The following FBN1 variants were observed in gnomAD, a reference collection of about 807,000 sequenced individuals.
The protein encoded by FBN1 is fibrillin 1, also known as fibrillin-1.
A neutral mutation model predicts 365.1 loss-of-function variants in FBN1; 29 were observed. That is an observed-to-expected ratio of 0.08 (90% CI 0.06 to 0.11). FBN1 has a LOEUF of 0.11. FBN1 is among the 10% of genes least tolerant of loss of function. The pLI is 1.00. For synonymous variants in FBN1, 1,210 were observed against 1,270.5 expected (o/e 0.95, Z 1.01); for missense variants, 2,476 against 3,703.2 (o/e 0.67, Z 8.60).
intron 64 of FBN1, among the ~76,000 whole-genome samples, chr15:48,415,059 A>G (rs1021022781): frequency 6.6e-6 from 1 of 152,228 alleles, no homozygotes; most frequent in Middle Eastern, 3.2e-3. Context: ...GAAATGTAAA[A>G]TATAATTTAA....
chr15:48,517,571 C>T (rs1321217816), intron 10 of FBN1, among the ~76,000 whole-genome samples: 1 of 152,270 alleles, frequency 6.6e-6, no homozygotes, highest in Non-Finnish European at 1.5e-5. Flanking sequence ...AATAAATCAT[C>T]TTTAGGTTTC....
At chr15:48,411,999 C>T (rs553599427) in intron 65 of FBN1, among the ~76,000 whole-genome samples, 1 of 152,350 alleles carries the variant, frequency 6.6e-6, no homozygotes, top group African/African-American at 2.4e-5. Context: ...TGGCTTCTTA[C>T]TTGCCTCTCT....
At chr15:48,432,725 TGGCAGTGAC>T in intron 55 of FBN1, 132 bp downstream of exon 55, 1 of 1,052,182 alleles carries the variant, frequency 9.5e-7, no homozygotes, top group African/African-American at 1.6e-5. Context: ...GGGGGAAACG[TGGCAGTGAC>T]AACCCCCGTA....
At chr15:48,435,768 G>GTA (rs371770634) in intron 53 of FBN1, among the ~76,000 whole-genome samples, 2 of 111,360 alleles carry the variant, frequency 1.8e-5, no homozygotes, top group African/African-American at 8.2e-5. Context: ...ATATATATGT[G>GTA]TATATGTGTG....
intron 6 of FBN1, among the ~76,000 whole-genome samples, chr15:48,545,413 G>T (rs1002056518): frequency 1.3e-5 from 2 of 152,142 alleles, no homozygotes; most frequent in Non-Finnish European, 2.9e-5. Flanking sequence ...ACTGAATATT[G>T]TGTACGTGGA....
intron 1 of FBN1, 75 bp from the exon 2 acceptor site, chr15:48,645,025 T>G: frequency 9.8e-6 from 3 of 305,550 alleles, no homozygotes; most frequent in African/African-American, 2.2e-5. Context: ...GCGGTCCCCA[T>G]TCCCAAGCCC....
At chr15:48,529,034 C>T (rs2043943014) in intron 8 of FBN1, 1 of 152,202 alleles carries the variant, frequency 6.6e-6, no homozygotes, top group Admixed American at 6.5e-5. Context: ...GTGTTCATCT[C>T]CTTTTAATTG....
chr15:48,504,931 A>G, intron 16 of FBN1, 94 bp downstream of exon 16: 3 of 1,513,868 alleles, frequency 2.0e-6, no homozygotes, highest in Non-Finnish European at 2.8e-6. Context: ...TTTATATCTT[A>G]TCTGCTACAG....
chr15:48,617,273 C>A (rs532683428), intron 2 of FBN1, among the ~76,000 whole-genome samples: 1 of 151,970 alleles, frequency 6.6e-6, no homozygotes, highest in South Asian at 2.1e-4. Context: ...CTCCCGGGTT[C>A]GATAGATTTT....
chr15:48,598,089 C>T (rs968814205), intron 5 of FBN1, among the ~76,000 whole-genome samples: 13 of 152,186 alleles, frequency 8.5e-5, no homozygotes, highest in Non-Finnish European at 1.5e-5. Context: ...TCCAGTTGCG[C>T]TTCCACACTG....
chr15:48,616,448 G>A (rs1889655011), intron 2 of FBN1, among the ~76,000 whole-genome samples: 1 of 152,138 alleles, frequency 6.6e-6, no homozygotes, highest in East Asian at 1.9e-4. Flanking sequence ...CAAGCTGCAT[G>A]ACATTTGTTT....
At chr15:48,616,247 G>C (rs918443135) in intron 2 of FBN1, among the ~76,000 whole-genome samples, 3 of 152,154 alleles carry the variant, frequency 2.0e-5, no homozygotes, top group Admixed American at 2.0e-4. Flanking sequence ...CAAGTAACAT[G>C]TTATTTAATT....
At chr15:48,559,239 C>CACGTTTCCTTTCTTAACAAATTGT (rs1303209425) in intron 6 of FBN1, among the ~76,000 whole-genome samples, 2 of 152,162 alleles carry the variant, frequency 1.3e-5, no homozygotes, top group African/African-American at 2.4e-5. Flanking sequence ...TTGGCTAGTA[C>CACGTTTCCTTTCTTAACAAATTGT]AGCCTGTTTC....
intron 6 of FBN1, among the ~76,000 whole-genome samples, chr15:48,573,261 T>C (rs2044319742): frequency 6.6e-6 from 1 of 152,238 alleles, no homozygotes; most frequent in African/African-American, 2.4e-5. Flanking sequence ...GTGATGATTA[T>C]GGCCCAGAAT....
intron 5 of FBN1, among the ~76,000 whole-genome samples, chr15:48,597,327 C>A (rs1481618897): frequency 6.6e-6 from 1 of 152,218 alleles, no homozygotes; most frequent in East Asian, 1.9e-4. Context: ...ATGTTCATGT[C>A]AAGGGCAGGC....
chr15:48,478,734 C>A (rs1329196675), intron 32 of FBN1, among the ~76,000 whole-genome samples: 1 of 152,162 alleles, frequency 6.6e-6, no homozygotes, highest in Non-Finnish European at 1.5e-5. Context: ...CTTGGCAATA[C>A]CCAGGGTCTG....
chr15:48,487,587 C>G (rs1422880108), intron 27 of FBN1, 150 bp from the exon 28 acceptor site: 1 of 1,155,910 alleles, frequency 8.7e-7, no homozygotes, highest in Non-Finnish European at 1.3e-6. Flanking sequence ...CACCAGATCT[C>G]CCTGCAGGAT....
At chr15:48,483,616 A>G (rs892203377) in intron 31 of FBN1, among the ~76,000 whole-genome samples, 7 of 152,248 alleles carry the variant, frequency 4.6e-5, no homozygotes, top group African/African-American at 1.7e-4. Flanking sequence ...GTCAGTCCTC[A>G]TAACATATCT....
chr15:48,475,261 A>C (rs914285609), intron 32 of FBN1, among the ~76,000 whole-genome samples: 1 of 152,208 alleles, frequency 6.6e-6, no homozygotes, highest in African/African-American at 2.4e-5. Context: ...AGCTTCTTAG[A>C]GTCCTAGCAC....
Sources: gnomAD v4.1 joint callset for allele counts (sites outside exome capture counted in the v4.1 genomes callset) on GRCh38, gnomAD v4.1.1 for gene constraint, MANE v1.5 for transcripts, NCBI Gene and HGNC (gene_info 2026-07-23, HGNC 2026-07-21) for gene names.